B4GALNT3: variants seen among roughly 807,000 people sequenced by gnomAD.
B4GALNT3 encodes the protein beta-1,4-N-acetyl-galactosaminyltransferase 3.
B4GALNT3 carries 86 observed loss-of-function variants against 120.2 expected under a neutral mutation model. That is an observed-to-expected ratio of 0.72 (90% CI 0.60 to 0.86). The LOEUF (loss-of-function observed/expected upper bound fraction) is 0.86, where lower values mean the gene tolerates loss of function less well. Ranked by LOEUF, B4GALNT3 falls within the 40% of genes least tolerant of loss-of-function variation. B4GALNT3 has a pLI of 0.00. For missense variants in B4GALNT3, 1,167 were observed against 1,298.9 expected (o/e 0.90, Z 1.56); for synonymous variants, 518 against 510.4 (o/e 1.01, Z -0.20).
chr12:553,257 C>A lies in B4GALNT3; in HGVS notation c.1334C>A (p.Ser445Tyr). 1 of 1,613,556 alleles carries A rather than the reference C, an allele frequency of 6.2e-7. No individual in the cohort carries two copies. ...GAAGTGGCAGAGGAGACCCCTGCCT[C>A]CAACAACCAGAATGCCAGGATGCTT... ...YGEVAEETPA[S>Y]NNQNARMLEG... Residue 445 changes from serine (S) to tyrosine (Y), a missense_variant, in exon 14 of 20, where the codon TCC becomes TAC. Ser to Tyr is a moderately radical substitution (Grantham distance 144, BLOSUM62 -2). Transcript: ENST00000266383.
At chr12:505,655 T>C (rs1405317749) in intron 1 of B4GALNT3, among the ~76,000 whole-genome samples, 3 of 152,242 alleles carry the variant, frequency 2.0e-5, no homozygotes, top group Non-Finnish European at 4.4e-5. Context: ...CTGCATGAAG[T>C]ATTGTCTCCC....
chr12:554,315 A>G (rs1019078156), intron 14 of B4GALNT3, among the ~76,000 whole-genome samples: 1 of 152,260 alleles, frequency 6.6e-6, no homozygotes. Flanking sequence ...CAGGCAAAAC[A>G]GAGGCTAGAA....
intron 1 of B4GALNT3, among the ~76,000 whole-genome samples, chr12:463,758 C>T (rs1293508002): frequency 2.0e-5 from 3 of 152,102 alleles, no homozygotes; most frequent in Admixed American, 6.5e-5. Context: ...AAAGGCTATT[C>T]GAGACAGAAA....
chr12:553,643 C>T lies in B4GALNT3; in HGVS notation c.1720C>T (p.Arg574Trp), dbSNP rs763992260. ...QVESYIAEQR[R>W]GDRMRPQAPG... The stretch of plus-strand genomic sequence containing the variant: ...GGAGTCGTACATCGCAGAGCAGAGA[C>T]GGGGTGACAGGATGCGGCCTCAGGC... The change falls in exon 14 of 20, where the codon CGG becomes TGG. Residue 574 changes from arginine to tryptophan, a missense_variant. Physicochemically the swap from Arg to Trp is moderately radical, Grantham distance 101. Around this residue, in one of 3 missense-constraint regions of B4GALNT3, gnomAD observed 983 missense variants for 1,102.5 expected, o/e 0.89. Coordinates refer to ENST00000266383, the MANE Select transcript of B4GALNT3 (RefSeq NM_173593.4). 77 of 1,613,846 alleles carry T rather than the reference C, an allele frequency of 4.8e-5. No individual in the cohort carries two copies. Among genetic ancestry groups the T allele is most frequent in the African/African-American group, 2.1e-4 (16 of 74,926 alleles).
intron 1 of B4GALNT3, among the ~76,000 whole-genome samples, chr12:482,560 T>A (rs556153042): frequency 1.3e-5 from 2 of 152,166 alleles, no homozygotes; most frequent in African/African-American, 4.8e-5. Flanking sequence ...GAGGATACAA[T>A]GATGAAAAAA....
intron 1 of B4GALNT3, among the ~76,000 whole-genome samples, chr12:518,181 A>C (rs569906757): frequency 6.6e-6 from 1 of 152,302 alleles, no homozygotes; most frequent in Non-Finnish European, 1.5e-5. Flanking sequence ...CAAAGGTCAC[A>C]AGCTAAAAAG....
chr12:544,931 A>C lies in B4GALNT3; in HGVS notation c.497A>C (p.Tyr166Ser). Residue 166 changes from tyrosine (Y) to serine (S), a missense_variant, in exon 5 of 20, where the codon TAT (tyrosine) becomes TCT (serine). Tyr to Ser is a moderately radical substitution (Grantham distance 144, BLOSUM62 -2). Around this residue, in one of 3 missense-constraint regions of B4GALNT3, gnomAD observed 983 missense variants for 1,102.5 expected, o/e 0.89. Transcript: ENST00000266383. ...KLAVSPKWTN[Y>S]GLRIFGYLHP... ...GCTGTGTCCCCCAAATGGACCAACT[A>C]TGGCCTCCGCATCTTTGGCTACCTG... is the stretch of plus-strand genomic sequence containing the variant. The C allele has an allele frequency of 5.0e-6, 8 of 1,614,014 alleles. No homozygotes were observed. Among genetic ancestry groups the C allele is most frequent in the Non-Finnish European group, 6.8e-6 (8 of 1,179,974 alleles).
At chr12:527,872 T>C (rs1450901435) in intron 1 of B4GALNT3, among the ~76,000 whole-genome samples, 1 of 151,486 alleles carries the variant, frequency 6.6e-6, no homozygotes, top group East Asian at 1.9e-4. Flanking sequence ...TTTGGGGGCT[T>C]ACATGGAGAG....
chr12:470,626 C>A (rs1254711705), intron 1 of B4GALNT3, among the ~76,000 whole-genome samples: 1 of 152,216 alleles, frequency 6.6e-6, no homozygotes, highest in Non-Finnish European at 1.5e-5. Context: ...AGGTGAATGA[C>A]TTCCGATAGC....
chr12:497,184 G>A lies in B4GALNT3; in HGVS notation c.169+36639G>A, dbSNP rs528968072. On this transcript the variant is annotated intron_variant, in intron 1 of 19. Transcript: ENST00000266383. ...AATTATTTTTTTGAGACGGAGTTTC[G>A]CTCTTGTTGCCCAGGCTGGAGTGCA... is the stretch of plus-strand genomic sequence containing the variant. Among the ~76,000 whole-genome samples the A allele has an allele frequency of 8.0e-5, 12 of 150,590 alleles. No individual in the cohort carries two copies. In the East Asian group the frequency reaches 1.8e-3, roughly 22 times the overall value.
At chr12:505,957 G>T (rs1185533045) in intron 1 of B4GALNT3, among the ~76,000 whole-genome samples, 1 of 152,164 alleles carries the variant, frequency 6.6e-6, no homozygotes, top group African/African-American at 2.4e-5. Context: ...TCTTTCATTT[G>T]CATAGATCTG....
intron 1 of B4GALNT3, among the ~76,000 whole-genome samples, chr12:493,880 G>A (rs554309306): frequency 1.2e-4 from 18 of 152,308 alleles, no homozygotes; most frequent in African/African-American, 3.4e-4. Context: ...AGTAGAGTCC[G>A]TGTTGGAAAG....
intron 1 of B4GALNT3, among the ~76,000 whole-genome samples, chr12:533,964 C>G (rs923662342): frequency 6.6e-6 from 1 of 152,206 alleles, no homozygotes; most frequent in African/African-American, 2.4e-5. Context: ...CTGTCTGTGT[C>G]TCTGCTGGTG....
At chr12:546,570 T>A in intron 6 of B4GALNT3, 76 bp from the exon 7 acceptor site, 1 of 1,319,728 alleles carries the variant, frequency 7.6e-7, no homozygotes, top group East Asian at 2.5e-5. Context: ...TTCTCCTTCC[T>A]GGTCTCGCAC....
Position 552,085 on chromosome 12 carries a change from C to T in B4GALNT3, c.1130C>T (p.Pro377Leu), listed in dbSNP as rs1267939470. ...LRFVHLSFVY[P>L]NDYTRLSHME... Reference sequence around the variant, plus strand: ...CAGGTTCATCTGTCTTTTGTTTACCCCAATGACTATACCCGCCTGAGCCAC... The same window carrying T: ...CAGGTTCATCTGTCTTTTGTTTACCTCAATGACTATACCCGCCTGAGCCAC... The change falls in exon 12 of 20, where the codon CCC (proline) becomes CTC (leucine). Residue 377 changes from proline (P) to leucine (L), a missense_variant. Coordinates refer to ENST00000266383, the MANE Select transcript of B4GALNT3 (RefSeq NM_173593.4). 6.2e-7 allele frequency: 1 copy of T among 1,611,886 alleles called. No homozygotes were observed. Among genetic ancestry groups the T allele is most frequent in the South Asian group, 1.1e-5 (1 of 91,020 alleles).
intron 1 of B4GALNT3, among the ~76,000 whole-genome samples, chr12:475,959 A>G (rs1002450095): frequency 2.6e-5 from 4 of 152,162 alleles, no homozygotes; most frequent in Admixed American, 1.3e-4. Context: ...CCGTATGGAC[A>G]TGGCCATCCT....
At chr12:517,489 C>T (rs758489513) in intron 1 of B4GALNT3, among the ~76,000 whole-genome samples, 1 of 151,922 alleles carries the variant, frequency 6.6e-6, no homozygotes, top group Admixed American at 6.6e-5. Flanking sequence ...TTGTGGGAGG[C>T]GAGGGGGTTG....
intron 1 of B4GALNT3, among the ~76,000 whole-genome samples, chr12:485,591 A>G (rs1316082292): frequency 6.6e-6 from 1 of 152,220 alleles, no homozygotes; most frequent in Non-Finnish European, 1.5e-5. Context: ...GAGAATGACA[A>G]CAATGATTCT....
At chr12:546,369 C>T (rs1947008833) in intron 6 of B4GALNT3, among the ~76,000 whole-genome samples, 1 of 151,928 alleles carries the variant, frequency 6.6e-6, no homozygotes, top group African/African-American at 2.4e-5. Context: ...CCCAGCGCAG[C>T]ATCTCTGGGG....
Sources: allele counts gnomAD v4.1 joint callset (sites outside exome capture counted in the v4.1 genomes callset), GRCh38; gene constraint gnomAD v4.1.1; regional missense constraint gnomAD v4.1.1; transcripts MANE v1.5; gene names NCBI Gene and HGNC (gene_info 2026-07-23, HGNC 2026-07-21).